CAMK1D: variants seen among roughly 807,000 people sequenced by gnomAD.
CAMK1D encodes the protein calcium/calmodulin dependent protein kinase ID.
Under a neutral mutation model 47.7 loss-of-function variants are expected in CAMK1D, and 9 were observed. That is an observed-to-expected ratio of 0.19 (90% CI 0.11 to 0.33). CAMK1D has a LOEUF of 0.33. Ranked by LOEUF, CAMK1D falls within the 10% of genes least tolerant of loss-of-function variation. CAMK1D has a pLI of 1.00. For synonymous variants in CAMK1D, 184 were observed against 184.9 expected, an observed-to-expected ratio of 0.99 and a Z score of 0.04; for missense variants, 291 against 488.7, an observed-to-expected ratio of 0.60 and a Z score of 3.81.
intron 1 of CAMK1D, among the ~76,000 whole-genome samples, chr10:12,463,365 T>C (rs1270654858): frequency 6.6e-6 from 1 of 152,144 alleles, no homozygotes; most frequent in African/African-American, 2.4e-5. Flanking sequence ...TTCGAACTCC[T>C]GACCTCAAAT....
At chr10:12,396,451 A>G (rs530736366) in intron 1 of CAMK1D, among the ~76,000 whole-genome samples, 60 of 152,202 alleles carry the variant, frequency 3.9e-4, no homozygotes, top group African/African-American at 1.4e-3. Context: ...GGGCCCTCCA[A>G]CCAGAGTCTT....
chr10:12,442,413 A>G (rs1182594088), intron 1 of CAMK1D, among the ~76,000 whole-genome samples: 1 of 152,160 alleles, frequency 6.6e-6, no homozygotes, highest in Non-Finnish European at 1.5e-5. Flanking sequence ...CCCGGGAGGC[A>G]GAGCTTGCTC....
At chr10:12,764,026 C>G (rs1215562429) in intron 4 of CAMK1D, among the ~76,000 whole-genome samples, 1 of 152,178 alleles carries the variant, frequency 6.6e-6, no homozygotes, top group Non-Finnish European at 1.5e-5. Context: ...GCCTCTCCCC[C>G]ACCGTCTTCC....
rs569563890 is a variant in CAMK1D at position 12,828,815 on chromosome 10, G to C, written c.1086G>C (p.Gly362=). 3 of 1,613,850 alleles carry C rather than the reference G, an allele frequency of 1.9e-6. No homozygotes were observed. The highest frequency in any genetic ancestry group is 4.5e-5 in the East Asian group (2 of 44,872). Residue 362 remains glycine (G), a synonymous_variant, in exon 11 of 11, where the codon GGG becomes GGC. Transcript: ENST00000619168. ...TLCSFISSSS[G]VSGVGAERRP... is the part of the protein sequence containing the mutation. ...GTAGTTTCATTTCTTCTTCGTCGGG[G>C]GTCTCAGGAGTTGGAGCCGAGCGGA...
chr10:12,748,288 T>C (rs547729504), intron 3 of CAMK1D, among the ~76,000 whole-genome samples: 2 of 152,280 alleles, frequency 1.3e-5, no homozygotes, highest in Admixed American at 1.3e-4. Context: ...AAGACCTCAG[T>C]AGCAGGGAGC....
chr10:12,353,948 A>G (rs1011504647), intron 1 of CAMK1D, among the ~76,000 whole-genome samples: 10 of 152,236 alleles, frequency 6.6e-5, no homozygotes, highest in Non-Finnish European at 1.3e-4. Flanking sequence ...AAACCCCTAA[A>G]ATACTATTCG....
rs1351454107 is a variant in CAMK1D at position 12,694,250 on chromosome 10, TTATGTATAATATATAA to T, written c.299+27444_299+27459del. On this transcript the variant is annotated intron_variant, in intron 3 of 10. Coordinates refer to ENST00000619168, the MANE Select transcript of CAMK1D (RefSeq NM_153498.4). ...TATTATGTATAATATATAATATATATTATGTATAATATATAATATATATTATACATAATATAAAATA... is the reference window on the plus strand; with the variant it reads ...TATTATGTATAATATATAATATATATTATATATTATACATAATATAAAATA... 4.0e-5 allele frequency among the ~76,000 whole-genome samples: 3 copies of T among 74,486 alleles called. 1 individual carries two copies. Among genetic ancestry groups the T allele is most frequent in the African/African-American group, 1.6e-4 (3 of 18,570 alleles). The allele number at this position is 74,486 out of a possible 152,430, so 48.9% of individuals were successfully genotyped here. A position where few individuals can be genotyped will look rare whatever the true frequency, so the allele number is the denominator to read the frequency against.
intron 2 of CAMK1D, among the ~76,000 whole-genome samples, chr10:12,616,679 G>A (rs1289074076): frequency 3.9e-5 from 6 of 152,068 alleles, no homozygotes; most frequent in African/African-American, 1.4e-4. Context: ...CACTAAGCCC[G>A]GCTAATTTTT....
intron 2 of CAMK1D, among the ~76,000 whole-genome samples, chr10:12,637,767 T>TG (rs1839550675): frequency 6.6e-6 from 1 of 152,218 alleles, no homozygotes; most frequent in Non-Finnish European, 1.5e-5. Flanking sequence ...TTTGTGAGGC[T>TG]GTGGTGCTAT....
chr10:12,515,102 A>C (rs1835153064), intron 1 of CAMK1D, among the ~76,000 whole-genome samples: 1 of 151,656 alleles, frequency 6.6e-6, no homozygotes, highest in Non-Finnish European at 1.5e-5. Context: ...ACCTCAGGTG[A>C]TCCACCCCCC....
At chr10:12,664,944 T>G (rs1477729330) in intron 2 of CAMK1D, among the ~76,000 whole-genome samples, 1 of 152,222 alleles carries the variant, frequency 6.6e-6, no homozygotes, top group Non-Finnish European at 1.5e-5. Flanking sequence ...AAAACAATTT[T>G]TCCAAAAAGG....
chr10:12,798,530 A>C (rs1398132672), intron 6 of CAMK1D, among the ~76,000 whole-genome samples: 1 of 152,216 alleles, frequency 6.6e-6, no homozygotes, highest in African/African-American at 2.4e-5. Context: ...TTCCCAGGAT[A>C]GGTTACAGCG....
At chr10:12,625,135 G>A (rs938651966) in intron 2 of CAMK1D, among the ~76,000 whole-genome samples, 7 of 151,878 alleles carry the variant, frequency 4.6e-5, no homozygotes, top group African/African-American at 1.2e-4. Flanking sequence ...TGAGGAGTTC[G>A]AGACCAGCCT....
chr10:12,384,642 G>A (rs997946852), intron 1 of CAMK1D, among the ~76,000 whole-genome samples: 60 of 152,166 alleles, frequency 3.9e-4, no homozygotes, highest in Admixed American at 3.9e-3. Context: ...GTATATGAAA[G>A]AGTGAATTTG....
chr10:12,643,100 C>A (rs1839710973), intron 2 of CAMK1D, among the ~76,000 whole-genome samples: 1 of 152,120 alleles, frequency 6.6e-6, no homozygotes, highest in South Asian at 2.1e-4. Flanking sequence ...CTCCCGGGTT[C>A]AAGTGATTCT....
intron 1 of CAMK1D, among the ~76,000 whole-genome samples, chr10:12,440,239 C>T (rs1832746482): frequency 6.6e-6 from 1 of 151,810 alleles, no homozygotes; most frequent in Admixed American, 6.6e-5. Flanking sequence ...AATTATGAAA[C>T]AGTAGGTCTT....
At chr10:12,482,977 C>T (rs568020432) in intron 1 of CAMK1D, among the ~76,000 whole-genome samples, 4 of 152,132 alleles carry the variant, frequency 2.6e-5, no homozygotes, top group African/African-American at 7.2e-5. Context: ...GCCCACATTA[C>T]GGTGCTAGCT....
chr10:12,732,580 C>T (rs1026399500), intron 3 of CAMK1D, among the ~76,000 whole-genome samples: 1 of 151,874 alleles, frequency 6.6e-6, no homozygotes, highest in Non-Finnish European at 1.5e-5. Flanking sequence ...AAAGTGGAAA[C>T]CCCTGGTAAA....
At chr10:12,807,046 T>TA (rs1189818956) in intron 6 of CAMK1D, among the ~76,000 whole-genome samples, 1 of 152,204 alleles carries the variant, frequency 6.6e-6, no homozygotes, top group African/African-American at 2.4e-5. Context: ...TGAGTGATCT[T>TA]ATCTGCTGTC....
Sources: gnomAD v4.1 joint callset for allele counts (sites outside exome capture counted in the v4.1 genomes callset) on GRCh38, gnomAD v4.1.1 for gene constraint, MANE v1.5 for transcripts, NCBI Gene and HGNC (gene_info 2026-07-23, HGNC 2026-07-21) for gene names.